The following AGT variants were observed in gnomAD, a reference collection of about 807,000 sequenced individuals.
The protein encoded by AGT is alpha-1 antiproteinase, antitrypsin.
Under a neutral mutation model 28.1 loss-of-function variants are expected in AGT, and 26 were observed. That is an observed-to-expected ratio of 0.92 (90% confidence interval 0.68 to 1.28). AGT has a LOEUF of 1.28. Among genes scored for constraint, AGT ranks in the 50% most tolerant of loss-of-function variants. AGT has a pLI of 0.00. For missense variants in AGT, 596 were observed against 592.3 expected, an observed-to-expected ratio of 1.01 and a Z score of -0.06; for synonymous variants, 259 against 259.6, an observed-to-expected ratio of 1.00 and a Z score of 0.02.
intron 1 of AGT, among the ~76,000 whole-genome samples, chr1:230,726,242 T>C (rs1663939323): frequency 6.6e-6 from 1 of 152,206 alleles, no homozygotes; most frequent in Non-Finnish European, 1.5e-5. Flanking sequence ...TTCCATCTTA[T>C]TCTCCCTAAG....
At chr1:230,707,532 A>C (rs1663424703) in intron 2 of AGT, among the ~76,000 whole-genome samples, 1 of 152,114 alleles carries the variant, frequency 6.6e-6, no homozygotes, top group Non-Finnish European at 1.5e-5. Context: ...CGGGTCTCGT[A>C]AGAAGGCAGT....
upstream of AGT, among the ~76,000 whole-genome samples, chr1:230,716,994 C>A (rs539549495): frequency 5.0e-4 from 75 of 151,190 alleles, 1 homozygote; most frequent in South Asian, 0.015. Context: ...AAGAGCTGTA[C>A]TTTAAACAAT....
At chr1:230,737,427 C>T (rs536660729) in intron 1 of AGT, among the ~76,000 whole-genome samples, 5 of 152,024 alleles carry the variant, frequency 3.3e-5, no homozygotes, top group Non-Finnish European at 4.4e-5. Context: ...TTCCCTGGCC[C>T]CAGCTTCCTG....
intron 1 of AGT, among the ~76,000 whole-genome samples, chr1:230,722,837 C>A (rs953205605): frequency 6.6e-6 from 1 of 152,162 alleles, no homozygotes; most frequent in Non-Finnish European, 1.5e-5. Flanking sequence ...AGACTTTGGA[C>A]TTGGACTTTT....
intron 1 of AGT, among the ~76,000 whole-genome samples, chr1:230,739,597 G>C (rs560162996): frequency 6.6e-6 from 1 of 152,050 alleles, no homozygotes; most frequent in Non-Finnish European, 1.5e-5. Flanking sequence ...CTGAGCTTCC[G>C]GGGTAATTAC....
At chr1:230,708,450 C>G (rs2478544) in intron 2 of AGT, among the ~76,000 whole-genome samples, 41,029 of 152,082 alleles carry the variant, frequency 0.27, 6,357 homozygotes, top group African/African-American at 0.43. Flanking sequence ...CACCCTCAAC[C>G]GGGCAACCCT....
upstream of AGT, among the ~76,000 whole-genome samples, chr1:230,716,438 T>C (rs1464357477): frequency 6.6e-6 from 1 of 152,194 alleles, no homozygotes; most frequent in Non-Finnish European, 1.5e-5. Flanking sequence ...AGGTTCTACA[T>C]AGAAACCAAA....
At chr1:230,741,460 G>A (rs1275680149) in intron 1 of AGT, among the ~76,000 whole-genome samples, 1 of 152,250 alleles carries the variant, frequency 6.6e-6, no homozygotes, top group Non-Finnish European at 1.5e-5. Context: ...CTGTGGAGCA[G>A]CGAGTGTGGG....
Position 230,742,952 on chromosome 1 carries a change from G to T in AGT, c.-31+2563C>A, listed in dbSNP as rs543317149. ...GTATTCATAAATAGTTCTCCAAAAA[G>T]GAGACACCAATTTACACTCCCTTCA... On this transcript the variant is annotated intron_variant, in intron 1 of 4. Transcript: ENST00000681269. Among the ~76,000 whole-genome samples, 21 of 152,252 alleles carry T rather than the reference G, an allele frequency of 1.4e-4. No homozygotes were observed. In the South Asian group the frequency reaches 4.2e-3, roughly 30 times the overall value.
At chr1:230,734,719 C>CT (rs1009336887) in intron 1 of AGT, among the ~76,000 whole-genome samples, 36 of 150,476 alleles carry the variant, frequency 2.4e-4, no homozygotes, top group African/African-American at 1.2e-4. Context: ...TTTTGTTTTT[C>CT]TTTTTTTTGA....
chr1:230,733,144 A>G (rs1476014678), intron 1 of AGT, among the ~76,000 whole-genome samples: 1 of 151,978 alleles, frequency 6.6e-6, no homozygotes, highest in African/African-American at 2.4e-5. Flanking sequence ...TTAGCCAGGC[A>G]TGGTGGCGCA....
chr1:230,724,481 T>C (rs1663900888), intron 1 of AGT, among the ~76,000 whole-genome samples: 1 of 152,174 alleles, frequency 6.6e-6, no homozygotes, highest in African/African-American at 2.4e-5. Flanking sequence ...CCATAATGAA[T>C]ATTATAGGTA....
intron 1 of AGT, among the ~76,000 whole-genome samples, chr1:230,726,889 A>G (rs537596132): frequency 6.6e-6 from 1 of 151,914 alleles, no homozygotes; most frequent in African/African-American, 2.4e-5. Context: ...ACCCCACACC[A>G]CTCTCTCATA....
intron 1 of AGT, among the ~76,000 whole-genome samples, chr1:230,730,113 G>T (rs1664025252): frequency 6.6e-6 from 1 of 151,908 alleles, no homozygotes; most frequent in South Asian, 2.1e-4. Context: ...TAGAGACAGG[G>T]TTTCACCTTG....
Position 230,710,670 on chromosome 1 carries a change from TC to T in AGT, c.153del (p.Lys52SerfsTer30). ...TCEQLAKANA[G>X]KPKDPTFIPA... ...GGTATGAAGGTGGGGTCTTTGGGCT[TC>T]CCGGCATTGGCCTTTGCCAGCTGCT... On this transcript the variant is annotated frameshift_variant, in exon 2 of 5. Coordinates refer to ENST00000366667, the MANE Select transcript of AGT (RefSeq NM_001384479.1). LOFTEE classifies it high-confidence loss of function. The T allele has an allele frequency of 6.2e-7, 1 of 1,614,230 alleles. No homozygotes were observed. The highest frequency in any genetic ancestry group is 8.5e-7 in the Non-Finnish European group (1 of 1,180,040).
In AGT at chr1:230,735,943, T is replaced by C. The variant is rs538782856; in HGVS notation, c.-31+9572A>G. ...CCATTCAAGTGTCTTCTCAGGACCC[T>C]GCCTTTACTGTTTAAAAGAAAACAG... On this transcript the variant is annotated intron_variant, in intron 1 of 4. Coordinates refer to the AGT transcript ENST00000681269. Among the ~76,000 whole-genome samples the C allele has an allele frequency of 8.5e-5, 13 of 152,328 alleles. No homozygotes were observed. The South Asian group carries it at 2.7e-3, about 32-fold the overall frequency.
chr1:230,732,290 C>A (rs902682476), intron 1 of AGT, among the ~76,000 whole-genome samples: 1 of 152,196 alleles, frequency 6.6e-6, no homozygotes, highest in South Asian at 2.1e-4. Flanking sequence ...CATGAGCCAC[C>A]GAGCCTGGCC....
chr1:230,705,293 A>G (rs1018022555), intron 3 of AGT, among the ~76,000 whole-genome samples: 17 of 152,020 alleles, frequency 1.1e-4, no homozygotes. Flanking sequence ...AAACATAAAA[A>G]ACACCCAGAG....
chr1:230,711,478 C>T (rs1030794869), intron 1 of AGT, among the ~76,000 whole-genome samples: 4 of 152,126 alleles, frequency 2.6e-5, no homozygotes, highest in African/African-American at 9.7e-5. Flanking sequence ...AAGACATGCT[C>T]CTGCCTGCAG....
Sources: gnomAD v4.1 joint callset for allele counts (sites outside exome capture counted in the v4.1 genomes callset) on GRCh38, gnomAD v4.1.1 for gene constraint, MANE v1.5 for transcripts, NCBI Gene and HGNC (gene_info 2026-07-23, HGNC 2026-07-21) for gene names.